Variants in RPS15A observed in about 807,000 individuals in gnomAD.
RPS15A encodes the protein small ribosomal subunit protein uS8.
For missense variants in RPS15A, 62 were observed against 163.4 expected, an observed-to-expected ratio of 0.38 and a Z score of 3.38; for synonymous variants, 55 against 58.5, an observed-to-expected ratio of 0.94 and a Z score of 0.27.
chr16:18,785,003 ACTACGC>A, intron 3 of RPS15A, 180 bp from the exon 4 acceptor site: 1 of 533,440 alleles, frequency 1.9e-6, no homozygotes, highest in Non-Finnish European at 3.3e-6. Context: ...CCTAAGTAAG[ACTACGC>A]CTGCCTAGGA....
In RPS15A at chr16:18,783,176, A is replaced by T. The variant is rs77248788; in HGVS notation, c.300-74T>A. 48 of 963,922 alleles carry T rather than the reference A, an allele frequency of 5.0e-5. 1 individual carries two copies. Among genetic ancestry groups the T allele is most frequent in the African/African-American group, 3.7e-4 (23 of 61,848 alleles). The allele number at this position is 963,922 out of a possible 1,614,324, so 59.7% of individuals were successfully genotyped here. A position where few individuals can be genotyped will look rare whatever the true frequency, so the allele number is the denominator to read the frequency against. ...GTGCCTTCTAGTGCAGAAAAACATC[A>T]ACACTCATCAGTGGTTAAGGGCGCT... On this transcript the variant is annotated intron_variant, in intron 4 of 4. Coordinates refer to ENST00000322989, the MANE Select transcript of RPS15A (RefSeq NM_001019.5).
intron 1 of RPS15A, among the ~76,000 whole-genome samples, chr16:18,789,596 T>G (rs2029980015): frequency 1.3e-5 from 2 of 152,236 alleles, no homozygotes; most frequent in Admixed American, 1.3e-4. Context: ...ATCAGTTCAC[T>G]CTCACCTACA....
Position 18,782,916 on chromosome 16 carries a change from G to T in RPS15A, c.*93C>A. On this transcript the variant is annotated 3_prime_UTR_variant, in exon 5 of 5. Transcript: ENST00000322989. ...GAAGCAACTGCATGCTGCCGCAGAA[G>T]CTGTGGCTACACTGCTGTAAAGGCT... 1.4e-6 allele frequency: 1 copy of T among 716,300 alleles called. No individual in the cohort carries two copies. Among genetic ancestry groups the T allele is most frequent in the East Asian group, 2.5e-5 (1 of 39,518 alleles). The allele number at this position is 716,300 out of a possible 1,614,324, so 44.4% of individuals were successfully genotyped here.
At chr16:18,788,877 C>G in intron 2 of RPS15A, 104 bp downstream of exon 2, 2 of 1,212,294 alleles carry the variant, frequency 1.6e-6, no homozygotes, top group Non-Finnish European at 2.4e-6. Flanking sequence ...CATTCGTTCT[C>G]AGGTATGACA....
At position 18,784,782 on chromosome 16, in the gene RPS15A, G is replaced by A. The variant is rs1312464475; in HGVS notation, c.255C>T (p.Asp85=). ...GCAGATTATTCTGCCATTTTTCCAG[G>A]TCTTTGAGTTGCACGTCAAATCTGG... ...ISPRFDVQLK[D]LEKWQNNLLP... Residue 85 remains aspartate (D), a synonymous_variant, in exon 4 of 5, where the codon GAC becomes GAT. Transcript: ENST00000322989. 1.9e-6 allele frequency: 3 copies of A among 1,612,206 alleles called. No homozygotes were observed. The South Asian group carries it at 3.3e-5, about 18-fold the overall frequency.
rs913314667 is a variant in RPS15A, at chr16:18,782,396, G to A, written c.*613C>T. On this transcript the variant is annotated 3_prime_UTR_variant, in exon 5 of 5. Transcript: ENST00000322989. ...CCTATCTACAGAATAATCCTAGCCA[G>A]GCAAAACAAATTCATCAAAAACTAA... 3.3e-5 allele frequency: 5 copies of A among 150,396 alleles called. No individual in the cohort carries two copies. The highest frequency in any genetic ancestry group is 1.3e-4 in the Admixed American group (2 of 15,030). 9.3% of individuals were successfully genotyped at this position (150,396 alleles called of 1,614,324 possible). A position where few individuals can be genotyped will look rare whatever the true frequency, so the allele number is the denominator to read the frequency against.
rs771269629 is a variant in RPS15A at position 18,788,967 on chromosome 16, G to A, written c.133+14C>T. 1.4e-5 allele frequency: 22 copies of A among 1,606,714 alleles called. No homozygotes were observed. Among genetic ancestry groups the A allele is most frequent in the Non-Finnish European group, 1.7e-5 (20 of 1,177,602 alleles). On this transcript the variant is annotated intron_variant, in intron 2 of 4. Transcript: ENST00000322989. ...CTCACATGAAAACATAAAACACAGCGGCAGCAGACTTACCATGCTTCATCA... is the reference window on the plus strand; with the variant it reads ...CTCACATGAAAACATAAAACACAGCAGCAGCAGACTTACCATGCTTCATCA...
At chr16:18,788,284 G>GT in intron 2 of RPS15A, 142 bp from the exon 3 acceptor site, 1 of 617,390 alleles carries the variant, frequency 1.6e-6, no homozygotes, top group Non-Finnish European at 2.9e-6. Context: ...CAGTTGCTCT[G>GT]TATCAGAACT....
intron 3 of RPS15A, among the ~76,000 whole-genome samples, chr16:18,787,423 G>A (rs796408430): frequency 6.6e-6 from 1 of 152,270 alleles, no homozygotes; most frequent in African/African-American, 2.4e-5. Flanking sequence ...GGACAAGCCT[G>A]AACTAGAGGA....
rs542999335 is a variant in RPS15A, at chr16:18,788,864, T to C, written c.133+117A>G. The C allele has an allele frequency of 6.9e-5, 74 of 1,075,644 alleles. No individual in the cohort carries two copies. In the East Asian group the frequency reaches 7.4e-4, roughly 11 times the overall value. 66.6% of individuals were successfully genotyped at this position (1,075,644 alleles called of 1,614,324 possible). ...CCCTCCTCCACAGCCCACAGGTCAA[T>C]TGCATTCGTTCTCAGGTATGACAGA... On this transcript the variant is annotated intron_variant, in intron 2 of 4. Transcript: ENST00000322989.
At position 18,782,813 on chromosome 16, in the gene RPS15A, C is replaced by A; in HGVS notation, c.*196G>T. The A allele has an allele frequency of 2.0e-6, 1 of 488,488 alleles. No homozygotes were observed. Among genetic ancestry groups the A allele is most frequent in the Non-Finnish European group, 3.6e-6 (1 of 275,920 alleles). 30.3% of individuals were successfully genotyped at this position (488,488 alleles called of 1,614,324 possible). A position where few individuals can be genotyped will look rare whatever the true frequency, so the allele number is the denominator to read the frequency against. On this transcript the variant is annotated 3_prime_UTR_variant, in exon 5 of 5. Transcript: ENST00000322989. ...TGGCAGACAGCAGGGGTGACTGTTT[C>A]TTAGGCATACTGGTTTCATAAGAAC...
intron 3 of RPS15A, among the ~76,000 whole-genome samples, chr16:18,787,476 G>C (rs533518061): frequency 3.2e-4 from 48 of 152,284 alleles, no homozygotes; most frequent in African/African-American, 1.2e-3. Context: ...CTGACAGGAA[G>C]CACAGTGGAC....
chr16:18,783,718 A>C (rs530569894), intron 4 of RPS15A: 1 of 455,968 alleles, frequency 2.2e-6, no homozygotes, highest in East Asian at 6.9e-5. Context: ...ATAAATTCTT[A>C]ACCACAAAGA....
chr16:18,782,238 G>C lies in RPS15A; in HGVS notation c.*771C>G. ...CTTGAATCTGGGAAGCGGAGGTGCA[G>C]TGAGCCAAGATCATGCCACTGCACT... On this transcript the variant is annotated 3_prime_UTR_variant, in exon 5 of 5. Transcript: ENST00000322989. 8.7e-6 allele frequency: 1 copy of C among 114,648 alleles called. No homozygotes were observed. Among genetic ancestry groups the C allele is most frequent in the South Asian group, 3.5e-4 (1 of 2,882 alleles). The allele number at this position is 114,648 out of a possible 1,614,324, so 7.1% of individuals were successfully genotyped here.
rs1475127051 is a variant in RPS15A at position 18,781,441 on chromosome 16, G to C, written c.*1568C>G. Reference sequence around the variant, plus strand: ...AGACACGATGGTTAAACAAGCCAGAGCCCTGTGATCCTAGGGCTTACAATG... The same window carrying C: ...AGACACGATGGTTAAACAAGCCAGACCCCTGTGATCCTAGGGCTTACAATG... On this transcript the variant is annotated 3_prime_UTR_variant, in exon 5 of 5. Coordinates refer to ENST00000322989, the MANE Select transcript of RPS15A (RefSeq NM_001019.5). The C allele has an allele frequency of 2.0e-5, 3 of 151,532 alleles. No individual in the cohort carries two copies. The highest frequency in any genetic ancestry group is 4.4e-5 in the Non-Finnish European group (3 of 67,872). 9.4% of individuals were successfully genotyped at this position (151,532 alleles called of 1,614,324 possible).
intron 3 of RPS15A, 68 bp downstream of exon 3, chr16:18,787,995 A>C: frequency 1.0e-6 from 1 of 961,898 alleles, no homozygotes; most frequent in Non-Finnish European, 1.7e-6. Flanking sequence ...TCCAAAGGCA[A>C]TTACAACATT....
At chr16:18,787,525 G>A (rs560729641) in intron 3 of RPS15A, among the ~76,000 whole-genome samples, 10 of 152,262 alleles carry the variant, frequency 6.6e-5, no homozygotes, top group East Asian at 3.9e-4. Flanking sequence ...CAAAACACAC[G>A]CAATCACTTA....
At position 18,782,374 on chromosome 16, in the gene RPS15A, A is replaced by C. The variant is rs988798969; in HGVS notation, c.*635T>G. On this transcript the variant is annotated 3_prime_UTR_variant, in exon 5 of 5. Transcript: ENST00000322989. ...TGACAAAAGCCAGATCTAAAATCCT[A>C]TCTACAGAATAATCCTAGCCAGGCA... is the stretch of plus-strand genomic sequence containing the variant. 2.0e-5 allele frequency: 3 copies of C among 150,680 alleles called. No individual in the cohort carries two copies. The highest frequency in any genetic ancestry group is 7.3e-5 in the African/African-American group (3 of 41,148). The allele number at this position is 150,680 out of a possible 1,614,324, so 9.3% of individuals were successfully genotyped here.
intron 3 of RPS15A, chr16:18,785,827 T>C (rs1324056924): frequency 1.3e-5 from 2 of 152,190 alleles, no homozygotes; most frequent in Admixed American, 1.3e-4. Flanking sequence ...TTCCAAAGTC[T>C]GCCGCACGCT....
Sources: gnomAD v4.1 joint callset for allele counts (sites outside exome capture counted in the v4.1 genomes callset) on GRCh38, gnomAD v4.1.1 for gene constraint, MANE v1.5 for transcripts, NCBI Gene and HGNC (gene_info 2026-07-23, HGNC 2026-07-21) for gene names.